DENND5B: variants seen among roughly 807,000 people sequenced by gnomAD.
DENND5B encodes the protein DENN domain-containing protein 5B.
Under a neutral mutation model 140.6 loss-of-function variants are expected in DENND5B, and 34 were observed. That is an observed-to-expected ratio of 0.24 (90% CI 0.18 to 0.32). The LOEUF (loss-of-function observed/expected upper bound fraction) is 0.32, where lower values mean the gene tolerates loss of function less well. DENND5B is among the 10% of genes least tolerant of loss of function. DENND5B has a pLI of 1.00. For synonymous variants in DENND5B, 551 were observed against 562.1 expected (o/e 0.98, Z 0.28); for missense variants, 1,142 against 1,560.2 (o/e 0.73, Z 4.52).
chr12:31,424,717 C>A (rs200447172), intron 9 of DENND5B, 30 bp from the exon 10 acceptor site: 263 of 1,600,604 alleles, frequency 1.6e-4, no homozygotes, highest in African/African-American at 1.7e-4. Flanking sequence ...TCATAAGGCA[C>A]CCCAGCAGTG....
chr12:31,384,977 T>A lies in DENND5B; in HGVS notation c.*2626A>T, dbSNP rs1227673100. 3 of 151,540 alleles carry A rather than the reference T, an allele frequency of 2.0e-5. No homozygotes were observed. Among genetic ancestry groups the A allele is most frequent in the Admixed American group, 6.6e-5 (1 of 15,188 alleles). The allele number at this position is 151,540 out of a possible 1,614,324, so 9.4% of individuals were successfully genotyped here. ...TTTTAGTAGAGACGGGGTTTCACCA[T>A]GTTGGCCAGTCTGGTCTTGAACTCC... is the stretch of plus-strand genomic sequence containing the variant. On this transcript the variant is annotated 3_prime_UTR_variant, in exon 21 of 21. Coordinates refer to ENST00000389082, the MANE Select transcript of DENND5B (RefSeq NM_144973.4).
chr12:31,404,473 T>C (rs2137447743), intron 14 of DENND5B, among the ~76,000 whole-genome samples: 1 of 152,160 alleles, frequency 6.6e-6, no homozygotes, highest in Admixed American at 6.6e-5. Context: ...ACTTTATTTA[T>C]TTAGAGTTTC....
intron 3 of DENND5B, among the ~76,000 whole-genome samples, chr12:31,472,143 C>G (rs1945589969): frequency 6.6e-6 from 1 of 152,092 alleles, no homozygotes; most frequent in South Asian, 2.1e-4. Context: ...TTACGAGAAG[C>G]CTTATTGAAT....
rs572105605 is a variant in DENND5B, at chr12:31,448,382, G to A, written c.1630-613C>T. 5.3e-5 allele frequency among the ~76,000 whole-genome samples: 8 copies of A among 152,166 alleles called. No homozygotes were observed. The East Asian group carries it at 7.7e-4, about 15-fold the overall frequency. ...GATCTCCTGACCTCATGCTCCGCCC[G>A]CCTCGGCCTCCCAAAGTGCTGGGAT... is the stretch of plus-strand genomic sequence containing the variant. On this transcript the variant is annotated intron_variant, in intron 5 of 20. Transcript: ENST00000389082.
At chr12:31,527,734 T>C (rs1039807470) in intron 1 of DENND5B, among the ~76,000 whole-genome samples, 5 of 151,982 alleles carry the variant, frequency 3.3e-5, no homozygotes, top group African/African-American at 9.7e-5. Flanking sequence ...GCTGAGATCA[T>C]GCCACTACAC....
At chr12:31,408,221 C>T (rs12831471) in intron 14 of DENND5B, among the ~76,000 whole-genome samples, 48,394 of 151,850 alleles carry the variant, frequency 0.32, 8,785 homozygotes, top group Non-Finnish European at 0.43. Flanking sequence ...ATCGCTTGAT[C>T]CCAGGGGACG....
At chr12:31,434,513 A>C (rs1383681831) in intron 7 of DENND5B, among the ~76,000 whole-genome samples, 2 of 152,168 alleles carry the variant, frequency 1.3e-5, no homozygotes, top group Non-Finnish European at 2.9e-5. Context: ...CCCTAGACCC[A>C]GACCTGCCCT....
rs868509331 is a variant in DENND5B, at chr12:31,415,413, C to T, written c.2506G>A (p.Gly836Arg). The T allele has an allele frequency of 6.2e-7, 1 of 1,610,254 alleles. No individual in the cohort carries two copies. Among genetic ancestry groups the T allele is most frequent in the African/African-American group, 1.3e-5 (1 of 74,792 alleles). ...ACCCTGAGCGTTGGCAACATAACTC[C>T]TGAGTCAGATTTTCTTCTTTCTGGT... is the stretch of plus-strand genomic sequence containing the variant. ...LGPERRKSDS[G>R]VMLPTLRVSL... The change falls in exon 12 of 21, where the codon GGA (glycine) becomes AGA (arginine). Residue 836 changes from glycine to arginine, a missense_variant. Transcript: ENST00000389082.
In DENND5B at chr12:31,387,764, T is replaced by A; in HGVS notation, c.3664A>T (p.Ile1222Phe). 2 of 1,613,836 alleles carry A rather than the reference T, an allele frequency of 1.2e-6. No individual in the cohort carries two copies. Among genetic ancestry groups the A allele is most frequent in the Non-Finnish European group, 1.7e-6 (2 of 1,179,858 alleles). The change falls in exon 21 of 21, where the codon ATT (isoleucine) becomes TTT (phenylalanine). Residue 1222 changes from isoleucine (I) to phenylalanine (F), a missense_variant. By Grantham distance (21) the Ile-to-Phe change is conservative. Coordinates refer to ENST00000389082, the MANE Select transcript of DENND5B (RefSeq NM_144973.4). ...GTRDRLLPQWIPLLAECPAIT... is the reference protein window; with the variant it reads ...GTRDRLLPQWFPLLAECPAIT... ...GCAGGACACTCAGCTAACAATGGAA[T>A]CCACTGTGGGAGCAGGCGATCCCTA...
intron 1 of DENND5B, among the ~76,000 whole-genome samples, chr12:31,580,027 CTGA>C (rs1950166140): frequency 6.6e-6 from 1 of 151,720 alleles, no homozygotes; most frequent in Non-Finnish European, 1.5e-5. Context: ...ACTGTACTGA[CTGA>C]CTGTGCCCAA....
At chr12:31,541,594 T>C (rs1181022798) in intron 1 of DENND5B, among the ~76,000 whole-genome samples, 1 of 152,220 alleles carries the variant, frequency 6.6e-6, no homozygotes, top group Non-Finnish European at 1.5e-5. Context: ...TGTAGACAGC[T>C]GGTGGGAATG....
intron 1 of DENND5B, among the ~76,000 whole-genome samples, chr12:31,589,147 C>T (rs907125092): frequency 6.6e-6 from 1 of 152,150 alleles, no homozygotes; most frequent in Non-Finnish European, 1.5e-5. Flanking sequence ...TGACAGAAGG[C>T]CTCCAAGTGA....
chr12:31,458,423 T>G (rs973276891), intron 4 of DENND5B, among the ~76,000 whole-genome samples: 3 of 152,202 alleles, frequency 2.0e-5, no homozygotes, highest in Non-Finnish European at 4.4e-5. Flanking sequence ...TCCTTGAAAA[T>G]TTAAAGGATT....
In DENND5B at chr12:31,494,131, CTCTATCT is replaced by C. The variant is rs1400476361; in HGVS notation, c.237+1672_237+1678del. Among the ~76,000 whole-genome samples, 45 of 149,604 alleles carry C rather than the reference CTCTATCT, an allele frequency of 3.0e-4. 1 individual carries two copies. The East Asian group carries it at 4.7e-3, about 16-fold the overall frequency. ...AAGACCCTCTCAAGGTTGACTATCTCTCTATCTTCTATCTATCTATCTATCTATCTAT... is the reference window on the plus strand; with the variant it reads ...AAGACCCTCTCAAGGTTGACTATCTCTCTATCTATCTATCTATCTATCTAT... On this transcript the variant is annotated intron_variant, in intron 2 of 20. Coordinates refer to ENST00000389082, the MANE Select transcript of DENND5B (RefSeq NM_144973.4).
At chr12:31,529,733 A>ATTT (rs905577877) in intron 1 of DENND5B, among the ~76,000 whole-genome samples, 5 of 151,214 alleles carry the variant, frequency 3.3e-5, no homozygotes, top group African/African-American at 1.2e-4. Context: ...TTTAAAAATA[A>ATTT]TTTTTTTTAA....
intron 2 of DENND5B, among the ~76,000 whole-genome samples, chr12:31,495,244 G>A (rs1269982682): frequency 1.3e-5 from 2 of 152,084 alleles, no homozygotes; most frequent in South Asian, 2.1e-4. Flanking sequence ...GCACAACACA[G>A]TTTAATAGTA....
At chr12:31,467,676 G>C (rs1279127970) in intron 3 of DENND5B, among the ~76,000 whole-genome samples, 2 of 152,072 alleles carry the variant, frequency 1.3e-5, no homozygotes, top group Non-Finnish European at 2.9e-5. Context: ...CAAGTGTATA[G>C]AATAAAAATG....
chr12:31,444,406 G>C (rs1944183273), intron 6 of DENND5B, among the ~76,000 whole-genome samples: 1 of 152,112 alleles, frequency 6.6e-6, no homozygotes, highest in Non-Finnish European at 1.5e-5. Context: ...ACCATGCCCA[G>C]CTAATTTTTG....
In DENND5B at chr12:31,480,258, G is replaced by T; in HGVS notation, c.238-3C>A. 6.7e-7 allele frequency: 1 copy of T among 1,485,274 alleles called. No homozygotes were observed. The highest frequency in any genetic ancestry group is 1.4e-5 in the African/African-American group (1 of 70,190). 92.0% of individuals were successfully genotyped at this position (1,485,274 alleles called of 1,614,324 possible). A position where few individuals can be genotyped will look rare whatever the true frequency, so the allele number is the denominator to read the frequency against. ...GATAGCCCTTTAGGCATGCACAACT[G>T]TGAAAGAAAGAAAAAAAAAAATCAG... On this transcript the variant is annotated splice_region_variant and splice_polypyrimidine_tract_variant and intron_variant, in intron 2 of 20. Transcript: ENST00000389082.
Sources: gnomAD v4.1 joint callset for allele counts (sites outside exome capture counted in the v4.1 genomes callset) on GRCh38, gnomAD v4.1.1 for gene constraint, MANE v1.5 for transcripts, NCBI Gene and HGNC (gene_info 2026-07-23, HGNC 2026-07-21) for gene names.